EDA: variants seen among roughly 807,000 people sequenced by gnomAD.
EDA encodes ectodysplasin A.
Under a neutral mutation model 23.6 loss-of-function variants are expected in EDA, and 2 were observed. The observed-to-expected ratio is 0.08, with a 90% CI of 0.03 to 0.27. EDA has a LOEUF of 0.27. Ranked by LOEUF, EDA falls within the 10% of genes least tolerant of loss-of-function variation. EDA has a pLI of 1.00. For synonymous variants in EDA, 131 were observed against 132.0 expected, an observed-to-expected ratio of 0.99 and a Z score of 0.05; for missense variants, 229 against 324.2, an observed-to-expected ratio of 0.71 and a Z score of 2.26.
chrX:69,722,991 C>T lies in EDA; in HGVS notation c.396+106287C>T, dbSNP rs1028372569. On this transcript the variant is annotated intron_variant, in intron 1 of 7. Coordinates refer to ENST00000374552, the MANE Select transcript of EDA (RefSeq NM_001399.5). ...TTTAAAATCTGAGATTATAGAAACA[C>T]GTTATAGCTTTCTTTTGATACTTAT... 4.5e-5 allele frequency among the ~76,000 whole-genome samples: 5 copies of T among 112,030 alleles called. No homozygotes were observed. The Admixed American group carries it at 4.7e-4, about 11-fold the overall frequency.
At chrX:69,704,322 G>T (rs763328742) in intron 1 of EDA, among the ~76,000 whole-genome samples, 1 of 111,922 alleles carries the variant, frequency 8.9e-6, no homozygotes, top group East Asian at 2.8e-4. Flanking sequence ...AGAATGTCTG[G>T]GTTAAGATAA....
chrX:69,667,379 T>C (rs763216730), intron 1 of EDA, among the ~76,000 whole-genome samples: 3 of 110,902 alleles, frequency 2.7e-5, no homozygotes, highest in African/African-American at 9.8e-5. Context: ...TCCCATAGTG[T>C]TGGGATTACA....
intron 1 of EDA, among the ~76,000 whole-genome samples, chrX:69,811,588 T>TA (rs1478180351): frequency 4.5e-5 from 5 of 111,517 alleles, no homozygotes; most frequent in African/African-American, 1.6e-4. Flanking sequence ...GTTATTGCCC[T>TA]AACATCCTCC....
intron 1 of EDA, among the ~76,000 whole-genome samples, chrX:69,799,274 G>T (rs1333894623): frequency 9.0e-6 from 1 of 111,398 alleles, no homozygotes; most frequent in Non-Finnish European, 1.9e-5. Context: ...ACATTGGACT[G>T]GGCAAAGATT....
intron 2 of EDA, 117 bp downstream of exon 2, chrX:69,957,249 T>C: frequency 1.4e-6 from 1 of 704,582 alleles, no homozygotes; most frequent in East Asian, 3.5e-5. Context: ...CCTAGCACTT[T>C]GGGAGGCCCA....
At chrX:69,869,206 G>C (rs2147606451) in intron 1 of EDA, among the ~76,000 whole-genome samples, 1 of 111,117 alleles carries the variant, frequency 9.0e-6, no homozygotes, top group African/African-American at 3.3e-5. Flanking sequence ...TATGCATTCT[G>C]GCACTGAGGA....
chrX:69,836,239 C>T (rs916787779), intron 1 of EDA, among the ~76,000 whole-genome samples: 4 of 112,375 alleles, frequency 3.6e-5, no homozygotes, highest in African/African-American at 1.3e-4. Context: ...GCTCAAACGT[C>T]GTGCTGAGAG....
At chrX:69,671,677 C>T (rs934512446) in intron 1 of EDA, among the ~76,000 whole-genome samples, 6 of 111,577 alleles carry the variant, frequency 5.4e-5, no homozygotes, top group Non-Finnish European at 9.4e-5. Flanking sequence ...CTTTCCCTTC[C>T]CTAAGCAGCC....
At chrX:69,976,401 C>T (rs1055054808) in intron 2 of EDA, among the ~76,000 whole-genome samples, 1 of 111,518 alleles carries the variant, frequency 9.0e-6, no homozygotes, top group African/African-American at 3.3e-5. Flanking sequence ...AGTTACAGTC[C>T]TCTATCGTTA....
chrX:69,808,666 C>A (rs1000602406), intron 1 of EDA, among the ~76,000 whole-genome samples: 1 of 111,479 alleles, frequency 9.0e-6, no homozygotes, highest in Admixed American at 9.5e-5. Context: ...TAAATGTCTT[C>A]GATGATAGTG....
At chrX:69,815,247 A>G (rs2016051376) in intron 1 of EDA, among the ~76,000 whole-genome samples, 2 of 112,039 alleles carry the variant, frequency 1.8e-5, no homozygotes, top group Admixed American at 1.9e-4. Flanking sequence ...GATGTTCCAG[A>G]GGAGGAGAGG....
chrX:69,805,974 A>G (rs2015805232), intron 1 of EDA, among the ~76,000 whole-genome samples: 1 of 111,775 alleles, frequency 8.9e-6, no homozygotes. Context: ...TATGTGCAAG[A>G]CATTATGCTG....
chrX:70,027,449 G>A (rs955587188), intron 3 of EDA, among the ~76,000 whole-genome samples: 10 of 111,730 alleles, frequency 9.0e-5, no homozygotes, highest in South Asian at 3.8e-4. Context: ...CTTTAGCAGG[G>A]CCTCCCAGAG....
At chrX:69,794,324 C>T (rs760587385) in intron 1 of EDA, among the ~76,000 whole-genome samples, 9 of 111,581 alleles carry the variant, frequency 8.1e-5, no homozygotes, top group African/African-American at 2.9e-4. Flanking sequence ...CACTGAAGGG[C>T]TTTAAGTAAG....
intron 2 of EDA, among the ~76,000 whole-genome samples, chrX:70,000,072 G>C (rs1180712957): frequency 8.9e-6 from 1 of 112,089 alleles, no homozygotes; most frequent in Non-Finnish European, 1.9e-5. Flanking sequence ...AGGAATAAAA[G>C]GGCATTCTCT....
At chrX:69,650,117 G>A (rs1933056386) in intron 1 of EDA, among the ~76,000 whole-genome samples, 1 of 111,875 alleles carries the variant, frequency 8.9e-6, no homozygotes, top group African/African-American at 3.2e-5. Flanking sequence ...CTTACTGTGT[G>A]ACTTTGAGCA....
rs184936818 is a variant in EDA at position 69,926,416 on chromosome X, C to T, written c.397-30611C>T. The stretch of plus-strand genomic sequence containing the variant: ...TTTCTGCTTTAATTTCATCATTTAC[C>T]CAGGAGTCATTCAGGAGCAGGTTGT... On this transcript the variant is annotated intron_variant, in intron 1 of 7. Coordinates refer to ENST00000374552, the MANE Select transcript of EDA (RefSeq NM_001399.5). Among the ~76,000 whole-genome samples the T allele has an allele frequency of 2.7e-5, 3 of 111,359 alleles. No homozygotes were observed. The East Asian group carries it at 8.5e-4, about 31-fold the overall frequency.
intron 1 of EDA, among the ~76,000 whole-genome samples, chrX:69,819,375 C>G (rs1602440731): frequency 9.0e-6 from 1 of 111,525 alleles, no homozygotes. Context: ...CCAAGGCAAT[C>G]AGGCAAGAGA....
At chrX:69,893,275 G>C (rs2017960289) in intron 1 of EDA, among the ~76,000 whole-genome samples, 1 of 111,097 alleles carries the variant, frequency 9.0e-6, no homozygotes, top group Non-Finnish European at 1.9e-5. Flanking sequence ...TGGATTTGGG[G>C]CCCACCCTAA....
Sources: gnomAD v4.1 joint callset for allele counts (sites outside exome capture counted in the v4.1 genomes callset) on GRCh38, gnomAD v4.1.1 for gene constraint, MANE v1.5 for transcripts, NCBI Gene and HGNC (gene_info 2026-07-23, HGNC 2026-07-21) for gene names.